CHRNA2: variants seen among roughly 807,000 people sequenced by gnomAD.
CHRNA2 encodes neuronal acetylcholine receptor subunit alpha-2.
A neutral mutation model predicts 45.5 loss-of-function variants in CHRNA2; 40 were observed. That is an observed-to-expected ratio of 0.88 (90% confidence interval 0.68 to 1.15). The LOEUF is 1.15. CHRNA2 is among the 50% of genes most tolerant of loss of function. CHRNA2 has a pLI of 0.00. For synonymous variants in CHRNA2, 301 were observed against 296.7 expected, an observed-to-expected ratio of 1.01 and a Z score of -0.15; for missense variants, 655 against 701.7, an observed-to-expected ratio of 0.93 and a Z score of 0.75.
chr8:27,476,376 GCT>G, intron 1 of CHRNA2, among the ~76,000 whole-genome samples: 1 of 152,234 alleles, frequency 6.6e-6, no homozygotes, highest in Middle Eastern at 3.4e-3. Flanking sequence ...TCCTTTCCAG[GCT>G]TTTTACAACT....
intron 5 of CHRNA2, 95 bp downstream of exon 5, chr8:27,467,134 G>A (rs1812719855): frequency 3.5e-6 from 3 of 851,608 alleles, no homozygotes; most frequent in Non-Finnish European, 6.1e-6. Context: ...AGGAGGCGAG[G>A]AAGCTGACAC....
In CHRNA2 at chr8:27,461,667, C is replaced by T. The variant is rs755631456; in HGVS notation, c.1552G>A (p.Gly518Ser). Reference sequence around the variant, plus strand: ...GCTAGGAACGGAGGCAGAAAGAGGCCGATGGTCCCCAGGAAGCAGACGATG... The same window carrying T: ...GCTAGGAACGGAGGCAGAAAGAGGCTGATGGTCCCCAGGAAGCAGACGATG... ...FIIVCFLGTI[G>S]LFLPPFLAGM... The change falls in exon 7 of 7, where the codon GGC (glycine) becomes AGC (serine). Residue 518 changes from glycine (G) to serine (S), a missense_variant. By Grantham distance (56) the Gly-to-Ser change is moderately conservative. This residue lies in a region of CHRNA2 where 295 missense variants were observed against 280.4 expected (regional missense o/e 1.05). Coordinates refer to ENST00000407991, the MANE Select transcript of CHRNA2 (RefSeq NM_000742.4). 8.1e-6 allele frequency: 13 copies of T among 1,614,092 alleles called. No homozygotes were observed. In the East Asian group the frequency reaches 1.1e-4, roughly 14 times the overall value.
At position 27,461,717 on chromosome 8, in the gene CHRNA2, T is replaced by C. The variant is rs1304976399; in HGVS notation, c.1502A>G (p.Asp501Gly). The part of the protein sequence containing the change: ...EDWKYVAMVI[D>G]RIFLWLFIIV... ...GATAAACAGCCAGAGGAAGATCCTG[T>C]CGATGACCATGGCAACATACTTCCA... The change falls in exon 7 of 7, where the codon GAC (aspartate) becomes GGC (glycine). Residue 501 changes from aspartate (D) to glycine (G), a missense_variant. Asp to Gly is a moderately conservative substitution (Grantham distance 94, BLOSUM62 -1). Coordinates refer to ENST00000407991, the MANE Select transcript of CHRNA2 (RefSeq NM_000742.4). The C allele has an allele frequency of 6.2e-7, 1 of 1,614,032 alleles. No homozygotes were observed. The highest frequency in any genetic ancestry group is 2.2e-5 in the East Asian group (1 of 44,894).
intron 5 of CHRNA2, 129 bp downstream of exon 5, chr8:27,467,100 G>T (rs1812718712): frequency 1.4e-6 from 1 of 710,622 alleles, no homozygotes. Flanking sequence ...GGTAGGGGAG[G>T]CATGCTCAGC....
rs375239013 is a variant in CHRNA2 at position 27,463,486 on chromosome 8, C to A, written c.957G>T (p.Pro319=). The A allele has an allele frequency of 6.2e-7, 1 of 1,613,996 alleles. No individual in the cohort carries two copies. The highest frequency in any genetic ancestry group is 8.5e-7 in the Non-Finnish European group (1 of 1,180,026). Residue 319 remains proline, a synonymous_variant, in exon 6 of 7, where the codon CCG becomes CCT. Transcript: ENST00000407991. The surrounding 1 kb of genome is among the most constrained non-coding windows in gnomAD (Gnocchi z 6.1). Reference sequence around the variant, plus strand: ...TGAGCGGGATGACCAGCGAGGTGGACGGGATGATCTCAGTGATGAGCAGCA... The same window carrying A: ...TGAGCGGGATGACCAGCGAGGTGGAAGGGATGATCTCAGTGATGAGCAGCA... ...VFLLLITEII[P]STSLVIPLIG... is the part of the protein sequence containing the mutation.
chr8:27,466,827 T>C (rs1475769879), intron 5 of CHRNA2, among the ~76,000 whole-genome samples: 2 of 152,218 alleles, frequency 1.3e-5, no homozygotes, highest in African/African-American at 4.8e-5. Context: ...AAAAGGAAAC[T>C]GCATACCAAG....
intron 5 of CHRNA2, among the ~76,000 whole-genome samples, chr8:27,465,837 C>T (rs1563320227): frequency 2.0e-5 from 3 of 152,188 alleles, no homozygotes; most frequent in African/African-American, 7.2e-5. Context: ...ATGCCTTCCT[C>T]TTAACCTTGA....
At chr8:27,474,293 G>A (rs961922763) in intron 1 of CHRNA2, among the ~76,000 whole-genome samples, 3 of 152,174 alleles carry the variant, frequency 2.0e-5, no homozygotes, top group African/African-American at 7.2e-5. Context: ...TGTTTTAGGG[G>A]AAAAGGGCCT....
intron 1 of CHRNA2, among the ~76,000 whole-genome samples, chr8:27,476,080 T>C (rs1049535110): frequency 3.9e-5 from 6 of 152,244 alleles, no homozygotes; most frequent in African/African-American, 1.4e-4. Context: ...AGTGTGATTG[T>C]TTATCCTTTT....
intron 1 of CHRNA2, among the ~76,000 whole-genome samples, chr8:27,473,019 A>G (rs1330661748): frequency 1.3e-5 from 2 of 152,312 alleles, no homozygotes; most frequent in South Asian, 2.1e-4. Context: ...AATTGAGAAA[A>G]TTGGGAAAAG....
At chr8:27,468,275 G>T (rs2132663591) in intron 4 of CHRNA2, among the ~76,000 whole-genome samples, 1 of 152,268 alleles carries the variant, frequency 6.6e-6, no homozygotes, top group East Asian at 1.9e-4. Context: ...CAGGTTCTAG[G>T]CCTGCCTCCC....
intron 5 of CHRNA2, among the ~76,000 whole-genome samples, chr8:27,464,608 T>C (rs113088466): frequency 0.037 from 5,561 of 152,142 alleles, 338 homozygotes; most frequent in African/African-American, 0.13. Context: ...AAAGCTGTCC[T>C]CCTGCGAGCT....
At position 27,460,808 on chromosome 8, in the gene CHRNA2, C is replaced by T. The variant is rs555399871; in HGVS notation, c.*821G>A. On this transcript the variant is annotated 3_prime_UTR_variant, in exon 7 of 7. Coordinates refer to ENST00000407991, the MANE Select transcript of CHRNA2 (RefSeq NM_000742.4). ...AGCCCCTGCAGGCCATGGCTCTCAG[C>T]TCTGCCAGACCTCCTGGGGGCCGGC... The T allele has an allele frequency of 6.6e-6, 1 of 152,370 alleles. No individual in the cohort carries two copies. Among genetic ancestry groups the T allele is most frequent in the African/African-American group, 2.4e-5 (1 of 41,556 alleles). 9.4% of individuals were successfully genotyped at this position (152,370 alleles called of 1,614,324 possible). A position where few individuals can be genotyped will look rare whatever the true frequency, so the allele number is the denominator to read the frequency against.
Position 27,461,054 on chromosome 8 carries a change from G to T in CHRNA2, c.*575C>A, listed in dbSNP as rs1586385479. On this transcript the variant is annotated 3_prime_UTR_variant, in exon 7 of 7. Transcript: ENST00000407991. ...AAGAGCCCTTATTACTCCCCTGCTG[G>T]ACCATACAGCTCAGCACCCTGCAAA... 1.3e-5 allele frequency: 2 copies of T among 159,452 alleles called. No homozygotes were observed. The highest frequency in any genetic ancestry group is 1.8e-4 in the East Asian group (1 of 5,420). 9.9% of individuals were successfully genotyped at this position (159,452 alleles called of 1,614,324 possible). A position where few individuals can be genotyped will look rare whatever the true frequency, so the allele number is the denominator to read the frequency against.
intron 3 of CHRNA2, 35 bp from the exon 4 acceptor site, chr8:27,469,414 G>T (rs1296910884): frequency 6.5e-7 from 1 of 1,548,652 alleles, no homozygotes; most frequent in Non-Finnish European, 8.7e-7. Context: ...CAATTAAAGG[G>T]GTGGGCCCAG....
At chr8:27,473,310 T>G (rs1812948625) in intron 1 of CHRNA2, among the ~76,000 whole-genome samples, 1 of 152,188 alleles carries the variant, frequency 6.6e-6, no homozygotes, top group Non-Finnish European at 1.5e-5. Flanking sequence ...TGCACACTGT[T>G]CGAATTGTAC....
At chr8:27,466,218 A>T (rs1346462227) in intron 5 of CHRNA2, among the ~76,000 whole-genome samples, 1 of 151,922 alleles carries the variant, frequency 6.6e-6, no homozygotes, top group East Asian at 1.9e-4. Context: ...CGTAGTTCTG[A>T]CCAGAACTGG....
intron 1 of CHRNA2, among the ~76,000 whole-genome samples, chr8:27,478,143 C>T (rs567114963): frequency 5.9e-5 from 9 of 152,226 alleles, no homozygotes; most frequent in Non-Finnish European, 1.0e-4. Flanking sequence ...CCTCCCCAAG[C>T]ATACAGGTCT....
Position 27,463,655 on chromosome 8 carries a change from C to G in CHRNA2, c.788G>C (p.Arg263Pro), listed in dbSNP as rs145730990. ...GTTGATGGTGTAGAAGAGCGGCAGCCGCCGGATGACGAAGGCGTAGGTGAC... is the reference window on the plus strand; with the variant it reads ...GTTGATGGTGTAGAAGAGCGGCAGCGGCCGGATGACGAAGGCGTAGGTGAC... ...PDVTYAFVIR[R>P]LPLFYTINLI... Residue 263 changes from arginine (R) to proline (P), a missense_variant, in exon 6 of 7, where the codon CGG becomes CCG. Physicochemically the swap from Arg to Pro is moderately radical, Grantham distance 103. Around this residue, in one of 3 missense-constraint regions of CHRNA2, gnomAD observed 323 missense variants for 354.4 expected, o/e 0.91. Coordinates refer to ENST00000407991, the MANE Select transcript of CHRNA2 (RefSeq NM_000742.4). This position sits in a 1 kb window ranked among gnomAD's most constrained non-coding sequence, Gnocchi z 6.1. 5.6e-6 allele frequency: 9 copies of G among 1,614,024 alleles called. No individual in the cohort carries two copies. The highest frequency in any genetic ancestry group is 7.6e-6 in the Non-Finnish European group (9 of 1,180,002).
Sources: allele counts gnomAD v4.1 joint callset (sites outside exome capture counted in the v4.1 genomes callset), GRCh38; gene constraint gnomAD v4.1.1; regional missense constraint gnomAD v4.1.1; non-coding constraint Gnocchi (gnomAD v3.1); transcripts MANE v1.5; gene names NCBI Gene and HGNC (gene_info 2026-07-23, HGNC 2026-07-21).